The following LONRF2 variants were observed in gnomAD, a reference collection of about 807,000 sequenced individuals.
LONRF2 encodes LON peptidase N-terminal domain and ring finger 2, also known as LON peptidase N-terminal domain and RING finger protein 2.
Under a neutral mutation model 66.6 loss-of-function variants are expected in LONRF2, and 35 were observed. That is an observed-to-expected ratio of 0.53 (90% CI 0.40 to 0.70). The LOEUF is 0.70. LONRF2 is among the 30% of genes least tolerant of loss of function. The pLI, the probability that LONRF2 is intolerant of heterozygous loss-of-function variation, is 0.00. For missense variants in LONRF2, 902 were observed against 1,002.1 expected, an observed-to-expected ratio of 0.90 and a Z score of 1.35; for synonymous variants, 417 against 418.1, an observed-to-expected ratio of 1.00 and a Z score of 0.03.
chr2:100,277,594 G>T lies in LONRF2; in HGVS notation c.*6704C>A, dbSNP rs575802737. 9 of 152,048 alleles carry T rather than the reference G, an allele frequency of 5.9e-5. No individual in the cohort carries two copies. The highest frequency in any genetic ancestry group is 2.2e-4 in the African/African-American group (9 of 41,394). The allele number at this position is 152,048 out of a possible 1,614,324, so 9.4% of individuals were successfully genotyped here. Reference sequence around the variant, plus strand: ...TGAACAGCAGTGGGAGTTCACAGAGGGTACAGATGGCATTGCCAACCCTCA... The same window carrying T: ...TGAACAGCAGTGGGAGTTCACAGAGTGTACAGATGGCATTGCCAACCCTCA... On this transcript the variant is annotated 3_prime_UTR_variant, in exon 12 of 12. Transcript: ENST00000393437.
At chr2:100,285,663 C>T (rs550580412) in intron 11 of LONRF2, among the ~76,000 whole-genome samples, 11 of 152,018 alleles carry the variant, frequency 7.2e-5, no homozygotes, top group African/African-American at 1.9e-4. Context: ...TTTGGAAGAA[C>T]GGTCGGAGAG....
chr2:100,290,254 T>C lies in LONRF2; in HGVS notation c.1920+4A>G, dbSNP rs1674931575. 4 of 1,611,502 alleles carry C rather than the reference T, an allele frequency of 2.5e-6. No homozygotes were observed. Among genetic ancestry groups the C allele is most frequent in the African/African-American group, 1.3e-5 (1 of 74,978 alleles). On this transcript the variant is annotated splice_donor_region_variant and intron_variant, in intron 10 of 11. Transcript: ENST00000393437. Reference sequence around the variant, plus strand: ...ATAAAATACACCAGTATGATAAGCCTTACCTTTTCATCTTCAAGATATTCA... The same window carrying C: ...ATAAAATACACCAGTATGATAAGCCCTACCTTTTCATCTTCAAGATATTCA...
chr2:100,306,863 T>G (rs530985004), intron 2 of LONRF2, among the ~76,000 whole-genome samples: 1 of 151,864 alleles, frequency 6.6e-6, no homozygotes, highest in South Asian at 2.1e-4. Flanking sequence ...AATAACAAAC[T>G]TAGAATATAT....
Position 100,295,303 on chromosome 2 carries a change from CA to C in LONRF2, c.1598+128del, listed in dbSNP as rs1484950717. ...CAATTATGTTTCCAAAAATATTTTG[CA>C]ATTAACATCCTTTTCCATTTACAGA... On this transcript the variant is annotated intron_variant, in intron 8 of 11. Coordinates refer to ENST00000393437, the MANE Select transcript of LONRF2 (RefSeq NM_198461.4). 4.7e-4 allele frequency: 331 copies of C among 706,838 alleles called. 1 individual carries two copies. The highest frequency in any genetic ancestry group is 6.0e-5 in the Non-Finnish European group (28 of 468,578). 43.8% of individuals were successfully genotyped at this position (706,838 alleles called of 1,614,324 possible).
At position 100,322,183 on chromosome 2, in the gene LONRF2, G is replaced by C; in HGVS notation, c.-90C>G. On this transcript the variant is annotated 5_prime_UTR_variant, in exon 1 of 12. Transcript: ENST00000393437. Reference sequence around the variant, plus strand: ...CTGGGAACTGGCCGGCGGGAGCGCGGTCTCAGCCCTCGCCAGCAGCCACGC... The same window carrying C: ...CTGGGAACTGGCCGGCGGGAGCGCGCTCTCAGCCCTCGCCAGCAGCCACGC... 8.6e-7 allele frequency: 1 copy of C among 1,167,578 alleles called. No homozygotes were observed. Among genetic ancestry groups the C allele is most frequent in the Admixed American group, 4.4e-5 (1 of 22,494 alleles). 72.3% of individuals were successfully genotyped at this position (1,167,578 alleles called of 1,614,324 possible).
chr2:100,306,737 A>C (rs1472580665), intron 2 of LONRF2, among the ~76,000 whole-genome samples: 1 of 152,044 alleles, frequency 6.6e-6, no homozygotes, highest in Non-Finnish European at 1.5e-5. Flanking sequence ...TGGTTCTAAA[A>C]CAGCTTCCAT....
At position 100,321,422 on chromosome 2, in the gene LONRF2, C is replaced by T. The variant is rs763524581; in HGVS notation, c.672G>A (p.Leu224=). 1.2e-5 allele frequency: 17 copies of T among 1,476,270 alleles called. No individual in the cohort carries two copies. The East Asian group carries it at 4.8e-4, about 42-fold the overall frequency. The allele number at this position is 1,476,270 out of a possible 1,614,324, so 91.4% of individuals were successfully genotyped here. A position where few individuals can be genotyped will look rare whatever the true frequency, so the allele number is the denominator to read the frequency against. ...GCCCCGCAGCCGACTCACCCAGCTC[C>T]AGGGCCTGGTCGCACCTGAGCAGCG... ...EAALLRCDQA[L]ELAPDDNSLL... is the part of the protein sequence containing the mutation. Residue 224 remains leucine, a synonymous_variant, in exon 1 of 12, where the codon CTG becomes CTA. Coordinates refer to ENST00000393437, the MANE Select transcript of LONRF2 (RefSeq NM_198461.4).
rs751737676 is a variant in LONRF2, at chr2:100,272,906, C to T, written c.*11392G>A. 1.3e-5 allele frequency among the ~76,000 whole-genome samples: 2 copies of T among 152,178 alleles called. No homozygotes were observed. Among genetic ancestry groups the T allele is most frequent in the African/African-American group, 4.8e-5 (2 of 41,442 alleles). ...TTTCCTACTAAAATTAAATTGGAAT[C>T]GTTCCACATCTGCACTGTGTTGAAT... On this transcript the variant is annotated 3_prime_UTR_variant, in exon 12 of 12. Coordinates refer to ENST00000393437, the MANE Select transcript of LONRF2 (RefSeq NM_198461.4).
At chr2:100,316,370 T>C in intron 1 of LONRF2, among the ~76,000 whole-genome samples, 1 of 150,382 alleles carries the variant, frequency 6.6e-6, no homozygotes, top group South Asian at 2.1e-4. Flanking sequence ...TATTAGAAAT[T>C]CTAATAATTC....
intron 1 of LONRF2, among the ~76,000 whole-genome samples, chr2:100,316,274 G>T (rs187006403): frequency 7.1e-6 from 1 of 141,802 alleles, no homozygotes; most frequent in South Asian, 2.2e-4. Context: ...TGCTGAGATC[G>T]TGCCACTGCA....
intron 10 of LONRF2, 46 bp downstream of exon 10, chr2:100,290,212 C>T (rs372544350): frequency 1.4e-5 from 22 of 1,549,174 alleles, no homozygotes; most frequent in African/African-American, 8.3e-5. Context: ...CAAAGGGAAG[C>T]GAGAGGACCG....
chr2:100,296,483 C>T (rs1181363065), intron 7 of LONRF2, among the ~76,000 whole-genome samples: 2 of 152,156 alleles, frequency 1.3e-5, no homozygotes, highest in African/African-American at 2.4e-5. Flanking sequence ...TCTGCTCTTT[C>T]CTTGGTGGCC....
chr2:100,297,354 G>T (rs1295195690), intron 7 of LONRF2, among the ~76,000 whole-genome samples: 1 of 151,874 alleles, frequency 6.6e-6, no homozygotes, highest in African/African-American at 2.4e-5. Flanking sequence ...AGCCGGGATG[G>T]TCTCTATCTC....
Position 100,273,167 on chromosome 2 carries a change from GAAGGCCGAGGTCGGCCAGCAGCCAC to G in LONRF2, c.*11106_*11130del, listed in dbSNP as rs1284039080. On this transcript the variant is annotated 3_prime_UTR_variant, in exon 12 of 12. Transcript: ENST00000393437. ...TGGAGTGATGCAGCCGCTGGCCGAGGAAGGCCGAGGTCGGCCAGCAGCCACACCAGCTGGAGGAGATGAAGGAGGA... is the reference window on the plus strand; with the variant it reads ...TGGAGTGATGCAGCCGCTGGCCGAGGACCAGCTGGAGGAGATGAAGGAGGA... The G allele has an allele frequency of 6.6e-6, 1 of 152,266 alleles. No individual in the cohort carries two copies. Among genetic ancestry groups the G allele is most frequent in the African/African-American group, 2.4e-5 (1 of 41,468 alleles). 9.4% of individuals were successfully genotyped at this position (152,266 alleles called of 1,614,324 possible).
At chr2:100,315,409 A>G (rs1270074918) in intron 1 of LONRF2, among the ~76,000 whole-genome samples, 4 of 152,032 alleles carry the variant, frequency 2.6e-5, no homozygotes, top group Non-Finnish European at 1.5e-5. Flanking sequence ...TTTTTGTTTT[A>G]TCTTTTATTT....
Position 100,301,274 on chromosome 2 carries a change from T to C in LONRF2, c.922-487A>G, listed in dbSNP as rs140114482. Among the ~76,000 whole-genome samples the C allele has an allele frequency of 2.6e-3, 398 of 152,242 alleles. 2 individuals are homozygous for C. The highest frequency in any genetic ancestry group is 9.1e-3 in the African/African-American group (376 of 41,538). Reference sequence around the variant, plus strand: ...TAATTGTGGTTCAAGAACCAGGGAATGGCATTGGTGGGGGCAGGGGAAGGG... The same window carrying C: ...TAATTGTGGTTCAAGAACCAGGGAACGGCATTGGTGGGGGCAGGGGAAGGG... On this transcript the variant is annotated intron_variant, in intron 3 of 11. Coordinates refer to ENST00000393437, the MANE Select transcript of LONRF2 (RefSeq NM_198461.4).
intron 6 of LONRF2, 63 bp from the exon 7 acceptor site, chr2:100,299,013 G>A: frequency 1.6e-6 from 2 of 1,286,548 alleles, no homozygotes; most frequent in Non-Finnish European, 2.3e-6. Context: ...TCATGGACTG[G>A]TTTTTGAAGG....
Position 100,275,933 on chromosome 2 carries a change from T to A in LONRF2, c.*8365A>T, listed in dbSNP as rs1275235356. On this transcript the variant is annotated 3_prime_UTR_variant, in exon 12 of 12. Transcript: ENST00000393437. Reference sequence around the variant, plus strand: ...GCGTGTGAGTGCATATACATACACATACACACATATATACACATGCAGATA... The same window carrying A: ...GCGTGTGAGTGCATATACATACACAAACACACATATATACACATGCAGATA... The A allele has an allele frequency of 3.3e-5, 5 of 152,188 alleles. No individual in the cohort carries two copies. The highest frequency in any genetic ancestry group is 5.9e-5 in the Non-Finnish European group (4 of 68,048). 9.4% of individuals were successfully genotyped at this position (152,188 alleles called of 1,614,324 possible).
At chr2:100,287,518 G>C (rs966759488) in intron 10 of LONRF2, among the ~76,000 whole-genome samples, 1 of 152,156 alleles carries the variant, frequency 6.6e-6, no homozygotes, top group Non-Finnish European at 1.5e-5. Flanking sequence ...TAGAGACCTT[G>C]ACAGAATTAC....
Sources: gnomAD v4.1 joint callset for allele counts (sites outside exome capture counted in the v4.1 genomes callset) on GRCh38, gnomAD v4.1.1 for gene constraint, MANE v1.5 for transcripts, NCBI Gene and HGNC (gene_info 2026-07-23, HGNC 2026-07-21) for gene names.